Variants in FOXP2 observed in about 807,000 individuals in gnomAD.
FOXP2 encodes the protein forkhead box protein P2.
In FOXP2, 12 loss-of-function variants were observed where a neutral mutation model predicts 115.8. The observed-to-expected ratio is 0.10, with a 90% CI of 0.07 to 0.17. FOXP2 has a LOEUF of 0.17. Among genes scored for constraint, FOXP2 ranks in the 10% least tolerant of loss-of-function variants. The pLI, the probability that FOXP2 is intolerant of heterozygous loss-of-function variation, is 1.00. For synonymous variants in FOXP2, 328 were observed against 297.7 expected (o/e 1.10, Z -1.05); for missense variants, 629 against 843.5 (o/e 0.75, Z 3.15).
intron 1 of FOXP2, among the ~76,000 whole-genome samples, chr7:114,117,284 T>A (rs1488856249): frequency 2.0e-5 from 3 of 151,670 alleles, no homozygotes; most frequent in African/African-American, 4.8e-5. Flanking sequence ...TGCAGTGGTG[T>A]GATCTCAGCT....
intron 1 of FOXP2, among the ~76,000 whole-genome samples, chr7:114,254,847 C>T (rs1482478279): frequency 2.0e-5 from 3 of 152,206 alleles, no homozygotes; most frequent in African/African-American, 7.2e-5. Flanking sequence ...GAGCTGCGTT[C>T]CTTTGGAGGG....
rs566355332 is a variant in FOXP2 at position 114,329,233 on chromosome 7, T to G, written c.-11+41124T>G. 5.9e-5 allele frequency among the ~76,000 whole-genome samples: 9 copies of G among 152,232 alleles called. No homozygotes were observed. The South Asian group carries it at 1.9e-3, about 32-fold the overall frequency. On this transcript the variant is annotated intron_variant, in intron 2 of 17. Coordinates refer to the FOXP2 transcript ENST00000634411. ...ATGATTAGGCCAAAAAATTGTGTTA[T>G]CTGGCCAGGCATGGTGGTTCACGCC... is the stretch of plus-strand genomic sequence containing the variant.
chr7:114,144,160 G>C (rs1792301470), intron 1 of FOXP2, among the ~76,000 whole-genome samples: 1 of 152,170 alleles, frequency 6.6e-6, no homozygotes, highest in Non-Finnish European at 1.5e-5. Context: ...ATTTTCGGTA[G>C]ATTAGGTGTA....
chr7:114,405,532 T>C (rs1793014894), intron 2 of FOXP2, among the ~76,000 whole-genome samples: 2 of 151,854 alleles, frequency 1.3e-5, no homozygotes, highest in South Asian at 2.1e-4. Flanking sequence ...GCCAAAATAA[T>C]GAGGCTAGTA....
chr7:114,267,963 C>T (rs996112398), intron 1 of FOXP2, among the ~76,000 whole-genome samples: 1 of 151,880 alleles, frequency 6.6e-6, no homozygotes, highest in African/African-American at 2.4e-5. Context: ...CTTCTCATTT[C>T]CTTCTCTCTC....
intron 3 of FOXP2, among the ~76,000 whole-genome samples, chr7:114,554,090 G>A (rs1800340345): frequency 6.6e-6 from 1 of 151,804 alleles, no homozygotes; most frequent in South Asian, 2.1e-4. Flanking sequence ...AGCATTATTT[G>A]GTATTATGCT....
chr7:114,312,104 A>G (rs1039642540), intron 2 of FOXP2, among the ~76,000 whole-genome samples: 2 of 152,058 alleles, frequency 1.3e-5, no homozygotes, highest in African/African-American at 2.4e-5. Context: ...TGGGCACTCA[A>G]CCAAATGAAC....
chr7:114,122,336 A>T (rs975412098), intron 1 of FOXP2, among the ~76,000 whole-genome samples: 1 of 151,364 alleles, frequency 6.6e-6, no homozygotes, highest in Non-Finnish European at 1.5e-5. Context: ...TAAAAGAAAA[A>T]TTTGAATATA....
At chr7:114,313,277 G>A (rs1231654913) in intron 2 of FOXP2, among the ~76,000 whole-genome samples, 1 of 152,112 alleles carries the variant, frequency 6.6e-6, no homozygotes, top group African/African-American at 2.4e-5. Flanking sequence ...TGGCTCAGTG[G>A]TAACAATTTA....
At chr7:114,494,551 T>C (rs1797223175) in intron 2 of FOXP2, among the ~76,000 whole-genome samples, 2 of 152,126 alleles carry the variant, frequency 1.3e-5, no homozygotes, top group Middle Eastern at 3.2e-3. Context: ...CATTGAAAAC[T>C]AAAGTAATCT....
chr7:114,206,429 T>C (rs1157512968), intron 1 of FOXP2, among the ~76,000 whole-genome samples: 4 of 152,128 alleles, frequency 2.6e-5, no homozygotes, highest in Non-Finnish European at 5.9e-5. Context: ...CATTTGCACA[T>C]CCTGAGTCCT....
chr7:114,671,192 C>T (rs1375176164), intron 16 of FOXP2, among the ~76,000 whole-genome samples: 3 of 151,924 alleles, frequency 2.0e-5, no homozygotes, highest in East Asian at 3.8e-4. Context: ...TCTTTATCAT[C>T]TCATCTTTTT....
rs947598170 is a variant in FOXP2 at position 114,469,931 on chromosome 7, A to T, written c.168+43252A>T. Reference sequence around the variant, plus strand: ...GAAAGCAGATATTTAGAGTTTTGTTATTATCACATCATACTTACGATAGTC... The same window carrying T: ...GAAAGCAGATATTTAGAGTTTTGTTTTTATCACATCATACTTACGATAGTC... On this transcript the variant is annotated intron_variant, in intron 2 of 16. Transcript: ENST00000350908. Among the ~76,000 whole-genome samples, 3 of 152,274 alleles carry T rather than the reference A, an allele frequency of 2.0e-5. No homozygotes were observed. The East Asian group carries it at 5.8e-4, about 29-fold the overall frequency.
chr7:114,110,236 C>G (rs1791233905), intron 1 of FOXP2, among the ~76,000 whole-genome samples: 2 of 152,166 alleles, frequency 1.3e-5, no homozygotes, highest in African/African-American at 2.4e-5. Context: ...CCATTTGGCA[C>G]TTATGCACAC....
intron 2 of FOXP2, among the ~76,000 whole-genome samples, chr7:114,475,591 C>T (rs998658431): frequency 6.6e-6 from 1 of 151,912 alleles, no homozygotes; most frequent in African/African-American, 2.4e-5. Flanking sequence ...TTTTGAATTA[C>T]TCCAGGAAAT....
rs1214656018 is a variant in FOXP2, at chr7:114,675,574, A to G, written c.2003+11138A>G. 2.6e-5 allele frequency among the ~76,000 whole-genome samples: 4 copies of G among 152,198 alleles called. No individual in the cohort carries two copies. The East Asian group carries it at 7.7e-4, about 29-fold the overall frequency. ...ATGAAAATTTATTCAATCACGTATG[A>G]AATTGATAAAGTGCTAATCATGTAT... On this transcript the variant is annotated intron_variant, in intron 16 of 16. Transcript: ENST00000350908.
intron 2 of FOXP2, among the ~76,000 whole-genome samples, chr7:114,476,183 A>G (rs796635170): frequency 8.6e-5 from 13 of 151,828 alleles, no homozygotes; most frequent in African/African-American, 3.1e-4. Context: ...ACTTAGCCAA[A>G]AATTCTTTGT....
intron 2 of FOXP2, among the ~76,000 whole-genome samples, chr7:114,380,449 G>T (rs181075993): frequency 6.6e-6 from 1 of 152,072 alleles, no homozygotes; most frequent in Admixed American, 6.5e-5. Flanking sequence ...CCCACTTTTC[G>T]AAGTCCTTTT....
chr7:114,244,808 C>G (rs1584572746), intron 1 of FOXP2, among the ~76,000 whole-genome samples: 2 of 151,744 alleles, frequency 1.3e-5, no homozygotes, highest in Non-Finnish European at 2.9e-5. Context: ...GTGGCCCAGG[C>G]GGGAGTGCAG....
Sources: allele counts gnomAD v4.1 joint callset (sites outside exome capture counted in the v4.1 genomes callset), GRCh38; gene constraint gnomAD v4.1.1; transcripts MANE v1.5; gene names NCBI Gene and HGNC (gene_info 2026-07-23, HGNC 2026-07-21).